The following RALYL variants were observed in gnomAD, a reference collection of about 807,000 sequenced individuals.
The protein encoded by RALYL is RALY RNA binding protein like, also known as RNA-binding Raly-like protein.
RALYL carries 29 observed loss-of-function variants against 35.1 expected under a neutral mutation model. The ratio of observed to expected loss-of-function variants is 0.83; its 90% CI spans 0.61 to 1.13. RALYL has a LOEUF of 1.13. Among genes scored for constraint, RALYL ranks in the 50% most tolerant of loss-of-function variants. RALYL has a pLI of 0.00. For missense variants in RALYL, 359 were observed against 360.4 expected, an observed-to-expected ratio of 1.00 and a Z score of 0.03; for synonymous variants, 120 against 127.6, an observed-to-expected ratio of 0.94 and a Z score of 0.40.
At chr8:84,454,375 G>A (rs1277081991) in intron 1 of RALYL, among the ~76,000 whole-genome samples, 1 of 150,166 alleles carries the variant, frequency 6.7e-6, no homozygotes, top group Non-Finnish European at 1.5e-5. Flanking sequence ...CCAGAAAATA[G>A]CACATACATG....
intron 2 of RALYL, among the ~76,000 whole-genome samples, chr8:84,737,773 A>G (rs1847581963): frequency 6.6e-6 from 1 of 151,920 alleles, no homozygotes; most frequent in South Asian, 2.1e-4. Flanking sequence ...ATGCTTTTAA[A>G]AAAAGAGGCT....
At chr8:84,301,506 T>A (rs924466938) in intron 1 of RALYL, among the ~76,000 whole-genome samples, 6 of 152,078 alleles carry the variant, frequency 3.9e-5, no homozygotes, top group African/African-American at 1.4e-4. Flanking sequence ...CTCTCCCATT[T>A]CTTACTTTTA....
chr8:84,583,714 A>T (rs948901277), intron 2 of RALYL, among the ~76,000 whole-genome samples: 19 of 152,152 alleles, frequency 1.2e-4, no homozygotes, highest in African/African-American at 4.6e-4. Context: ...ACAATTATAA[A>T]ATATATTCTT....
chr8:84,741,392 A>G (rs1279128030), intron 2 of RALYL, among the ~76,000 whole-genome samples: 1 of 152,032 alleles, frequency 6.6e-6, no homozygotes, highest in Non-Finnish European at 1.5e-5. Context: ...TGGTTACTTT[A>G]TAAATAATGC....
intron 1 of RALYL, among the ~76,000 whole-genome samples, chr8:84,328,375 C>T (rs193187106): frequency 6.6e-6 from 1 of 152,322 alleles, no homozygotes; most frequent in Non-Finnish European, 1.5e-5. Context: ...AAGCGTCATT[C>T]ATTAACTCTA....
chr8:84,604,031 T>G (rs1816567366), intron 2 of RALYL, among the ~76,000 whole-genome samples: 2 of 152,130 alleles, frequency 1.3e-5, no homozygotes, highest in African/African-American at 4.8e-5. Flanking sequence ...ATGGAACCAA[T>G]GACTTGAATA....
intron 1 of RALYL, among the ~76,000 whole-genome samples, chr8:84,281,298 G>T (rs1467461963): frequency 2.0e-5 from 3 of 152,054 alleles, no homozygotes; most frequent in Admixed American, 1.3e-4. Flanking sequence ...TTTTAATGTT[G>T]ATTTTATTAT....
chr8:84,620,860 G>T (rs1284321815), intron 2 of RALYL, among the ~76,000 whole-genome samples: 1 of 152,164 alleles, frequency 6.6e-6, no homozygotes, highest in African/African-American at 2.4e-5. Context: ...GCCGTGTGAG[G>T]TGTCAGTGTG....
intron 2 of RALYL, among the ~76,000 whole-genome samples, chr8:84,605,847 C>G (rs746211834): frequency 2.0e-5 from 3 of 152,126 alleles, no homozygotes; most frequent in African/African-American, 7.2e-5. Context: ...AAAGGCTGAA[C>G]TATGATGCTC....
chr8:84,690,365 G>T (rs924002659), intron 2 of RALYL, among the ~76,000 whole-genome samples: 13 of 152,086 alleles, frequency 8.5e-5, no homozygotes, highest in African/African-American at 2.9e-4. Flanking sequence ...ATGGTAGTTG[G>T]CAGGGGCTGA....
At chr8:84,215,460 G>T (rs1300874567) in intron 1 of RALYL, among the ~76,000 whole-genome samples, 2 of 151,240 alleles carry the variant, frequency 1.3e-5, no homozygotes, top group Non-Finnish European at 1.5e-5. Context: ...TCATTTAAAA[G>T]CAATGTATTA....
At chr8:84,387,127 TG>T (rs2131698417) in intron 1 of RALYL, among the ~76,000 whole-genome samples, 1 of 151,952 alleles carries the variant, frequency 6.6e-6, no homozygotes, top group South Asian at 2.1e-4. Context: ...TTAGAGGTAA[TG>T]TATGTAAGTA....
chr8:84,256,748 A>G (rs181845070), intron 1 of RALYL, among the ~76,000 whole-genome samples: 9 of 152,078 alleles, frequency 5.9e-5, no homozygotes, highest in African/African-American at 1.7e-4. Flanking sequence ...TTCTCAGACA[A>G]CTCTAGGGAA....
At chr8:84,873,445 G>A (rs373462831) in intron 7 of RALYL, 48 bp downstream of exon 7, 27 of 1,162,288 alleles carry the variant, frequency 2.3e-5, no homozygotes, top group African/African-American at 9.2e-5. Flanking sequence ...CCAGTGAAAC[G>A]TTGTCAATCA....
intron 2 of RALYL, among the ~76,000 whole-genome samples, chr8:84,575,435 A>G (rs1809124618): frequency 6.6e-6 from 1 of 152,212 alleles, no homozygotes; most frequent in African/African-American, 2.4e-5. Context: ...AAAATTTTTA[A>G]TGAAATAATT....
chr8:84,603,550 C>T (rs904081226), intron 2 of RALYL, among the ~76,000 whole-genome samples: 2 of 152,006 alleles, frequency 1.3e-5, no homozygotes, highest in Non-Finnish European at 2.9e-5. Context: ...CACTTGGCTT[C>T]ACAGTCACAC....
At chr8:84,665,418 A>T (rs1268753731) in intron 2 of RALYL, among the ~76,000 whole-genome samples, 1 of 151,396 alleles carries the variant, frequency 6.6e-6, no homozygotes, top group Non-Finnish European at 1.5e-5. Context: ...TTGTAACTCT[A>T]GTAGTATTTG....
chr8:84,456,965 A>G (rs1340357478), intron 1 of RALYL, among the ~76,000 whole-genome samples: 2 of 152,012 alleles, frequency 1.3e-5, no homozygotes, highest in Admixed American at 6.6e-5. Context: ...TCTGCAGTAT[A>G]CAGTTTATGA....
chr8:84,474,480 A>G (rs2053158202), intron 1 of RALYL, among the ~76,000 whole-genome samples: 1 of 152,172 alleles, frequency 6.6e-6, no homozygotes, highest in African/African-American at 2.4e-5. Flanking sequence ...ACTATGGGGC[A>G]AGTGCAAGTT....
Sources: allele counts gnomAD v4.1 joint callset (sites outside exome capture counted in the v4.1 genomes callset), GRCh38; gene constraint gnomAD v4.1.1; transcripts MANE v1.5; gene names NCBI Gene and HGNC (gene_info 2026-07-23, HGNC 2026-07-21).